SNRPB: variants seen among roughly 807,000 people sequenced by gnomAD.
SNRPB encodes the protein small nuclear ribonucleoprotein polypeptides B and B1.
A neutral mutation model predicts 26.6 loss-of-function variants in SNRPB; 5 were observed. That is an observed-to-expected ratio of 0.19 (90% CI 0.10 to 0.39). The LOEUF (loss-of-function observed/expected upper bound fraction) is 0.39, where lower values mean the gene tolerates loss of function less well. SNRPB is among the 10% of genes least tolerant of loss of function. The pLI is 1.00. For missense variants in SNRPB, 211 were observed against 311.9 expected, an observed-to-expected ratio of 0.68 and a Z score of 2.44; for synonymous variants, 122 against 105.8, an observed-to-expected ratio of 1.15 and a Z score of -0.94.
rs2085107561 is a variant in SNRPB at position 2,470,593 on chromosome 20, T to C, written c.3+95A>G. Reference sequence around the variant, plus strand: ...CGGCCCAGGCCTTCACCGCCCTAAGTGGCTCCAACCCACGGCTTCCTCCCC... The same window carrying C: ...CGGCCCAGGCCTTCACCGCCCTAAGCGGCTCCAACCCACGGCTTCCTCCCC... On this transcript the variant is annotated intron_variant, in intron 1 of 6. Transcript: ENST00000381342. 4.6e-6 allele frequency: 7 copies of C among 1,520,934 alleles called. No homozygotes were observed. In the Admixed American group the frequency reaches 1.0e-4, roughly 22 times the overall value. The allele number at this position is 1,520,934 out of a possible 1,614,324, so 94.2% of individuals were successfully genotyped here. A position where few individuals can be genotyped will look rare whatever the true frequency, so the allele number is the denominator to read the frequency against.
chr20:2,465,865 A>T, intron 2 of SNRPB, 46 bp from the exon 3 acceptor site: 1 of 1,419,070 alleles, frequency 7.0e-7, no homozygotes, highest in Non-Finnish European at 1.0e-6. Context: ...AGAGGTGGGT[A>T]AAGTTCACCT....
intron 2 of SNRPB, 57 bp from the exon 3 acceptor site, chr20:2,465,876 G>T: frequency 2.4e-6 from 3 of 1,273,128 alleles, no homozygotes; most frequent in Non-Finnish European, 3.4e-6. Context: ...AAGTTCACCT[G>T]CCTAGTGGCC....
intron 3 of SNRPB, among the ~76,000 whole-genome samples, chr20:2,464,253 G>T (rs192162687): frequency 6.6e-6 from 1 of 152,202 alleles, no homozygotes; most frequent in African/African-American, 2.4e-5. Context: ...ATTCTAATCC[G>T]CTAGGTGACA....
intron 3 of SNRPB, among the ~76,000 whole-genome samples, chr20:2,464,752 C>T (rs1208906921): frequency 2.0e-5 from 3 of 152,156 alleles, no homozygotes; most frequent in Non-Finnish European, 4.4e-5. Flanking sequence ...CATCTGTAAT[C>T]CCCGCTACTC....
chr20:2,469,269 G>A (rs750030011), intron 1 of SNRPB, among the ~76,000 whole-genome samples: 1 of 152,186 alleles, frequency 6.6e-6, no homozygotes, highest in African/African-American at 2.4e-5. Flanking sequence ...TGAATCCAGC[G>A]CCTATTCTAA....
At chr20:2,465,527 G>A (rs542809020) in intron 3 of SNRPB, among the ~76,000 whole-genome samples, 181 bp downstream of exon 3, 1 of 151,620 alleles carries the variant, frequency 6.6e-6, no homozygotes, top group East Asian at 1.9e-4. Context: ...TGGGATTACA[G>A]ATGTGAGCCA....
chr20:2,467,539 A>T, intron 2 of SNRPB, 68 bp downstream of exon 2: 1 of 1,474,252 alleles, frequency 6.8e-7, no homozygotes, highest in Admixed American at 1.7e-5. Flanking sequence ...CACCACCTCT[A>T]TTGCTTGGCC....
In SNRPB at chr20:2,463,633, T is replaced by C. The variant is rs75717407; in HGVS notation, c.420+114A>G. 1,739 of 763,768 alleles carry C rather than the reference T, an allele frequency of 2.3e-3. 25 individuals are homozygous for C. Among genetic ancestry groups the C allele is most frequent in the African/African-American group, 0.022 (1,245 of 57,130 alleles). 47.3% of individuals were successfully genotyped at this position (763,768 alleles called of 1,614,324 possible). ...CCATGTATAAACCACAGTGAAACAC[T>C]GATAGTCTGACAATCACAGGTTGGT... On this transcript the variant is annotated intron_variant, in intron 4 of 6. Coordinates refer to ENST00000381342, the MANE Select transcript of SNRPB (RefSeq NM_003091.4). This position sits in a 1 kb window ranked among gnomAD's most constrained non-coding sequence, Gnocchi z 5.0.
rs914877970 is a variant in SNRPB, at chr20:2,463,535, T to G, written c.420+212A>C. On this transcript the variant is annotated intron_variant, in intron 4 of 6. Transcript: ENST00000381342. This position sits in a 1 kb window ranked among gnomAD's most constrained non-coding sequence, Gnocchi z 5.0. ...AATATTTTCCTTAAATACAGTTGGCTAATTCGTACATCTCTTTAATAGCAT... is the reference window on the plus strand; with the variant it reads ...AATATTTTCCTTAAATACAGTTGGCGAATTCGTACATCTCTTTAATAGCAT... Among the ~76,000 whole-genome samples, 1 of 152,270 alleles carries G rather than the reference T, an allele frequency of 6.6e-6. No homozygotes were observed. Among genetic ancestry groups the G allele is most frequent in the Non-Finnish European group, 1.5e-5 (1 of 68,054 alleles).
intron 3 of SNRPB, 151 bp downstream of exon 3, chr20:2,465,557 G>T: frequency 1.6e-6 from 1 of 609,922 alleles, no homozygotes; most frequent in South Asian, 2.0e-5. Context: ...GCCTCTTGCA[G>T]GGTAACCTCT....
intron 5 of SNRPB, 97 bp downstream of exon 5, chr20:2,462,991 CA>C (rs2085046314): frequency 8.2e-7 from 1 of 1,217,302 alleles, no homozygotes; most frequent in East Asian, 2.4e-5. Flanking sequence ...CTTAATTATA[CA>C]AACTCATCAT....
At chr20:2,466,771 G>C (rs1481690953) in intron 2 of SNRPB, among the ~76,000 whole-genome samples, 1 of 152,116 alleles carries the variant, frequency 6.6e-6, no homozygotes, top group African/African-American at 2.4e-5. Context: ...GAACTTTGGA[G>C]TAGCTCCACG....
chr20:2,465,415 T>C (rs1183805067), intron 3 of SNRPB, among the ~76,000 whole-genome samples: 46 of 151,112 alleles, frequency 3.0e-4, no homozygotes, highest in Non-Finnish European at 1.5e-5. Context: ...GTCTTTTTTT[T>C]TTTCTTCCTT....
At position 2,463,913 on chromosome 20, in the gene SNRPB, A is replaced by C; in HGVS notation, c.268-14T>G. 1 of 1,610,108 alleles carries C rather than the reference A, an allele frequency of 6.2e-7. No individual in the cohort carries two copies. Among genetic ancestry groups the C allele is most frequent in the Admixed American group, 1.7e-5 (1 of 59,662 alleles). On this transcript the variant is annotated splice_polypyrimidine_tract_variant and intron_variant, in intron 3 of 6. Transcript: ENST00000381342. This position sits in a 1 kb window ranked among gnomAD's most constrained non-coding sequence, Gnocchi z 5.0. Reference sequence around the variant, plus strand: ...AGCAATACCAGTCTGAAAAATAAACAAATATGCTCTGATGCCCAGTGATCT... The same window carrying C: ...AGCAATACCAGTCTGAAAAATAAACCAATATGCTCTGATGCCCAGTGATCT...
chr20:2,470,603 C>A (rs2085107670), intron 1 of SNRPB, 85 bp downstream of exon 1: 1 of 1,575,004 alleles, frequency 6.3e-7, no homozygotes, highest in Non-Finnish European at 8.7e-7. Context: ...TGGCTCCAAC[C>A]CACGGCTTCC....
Position 2,463,246 on chromosome 20 carries a change from A to T in SNRPB, c.421-19T>A. ...TCATCACCTAAGAGGACATAAGAAG[A>T]AAGAGTTAGAAGAGTACAGTACAAT... On this transcript the variant is annotated intron_variant, in intron 4 of 6. Coordinates refer to ENST00000381342, the MANE Select transcript of SNRPB (RefSeq NM_003091.4). The surrounding 1 kb of genome is among the most constrained non-coding windows in gnomAD (Gnocchi z 5.0). The T allele has an allele frequency of 6.2e-7, 1 of 1,601,344 alleles. No individual in the cohort carries two copies. The highest frequency in any genetic ancestry group is 8.6e-7 in the Non-Finnish European group (1 of 1,168,836).
intron 2 of SNRPB, 109 bp downstream of exon 2, chr20:2,467,498 G>C (rs2085081890): frequency 9.8e-7 from 1 of 1,024,260 alleles, no homozygotes; most frequent in East Asian, 2.5e-5. Context: ...TAAAACTGGA[G>C]AATAAACAGA....
Position 2,462,531 on chromosome 20 carries a change from A to C in SNRPB, c.685+105T>G, listed in dbSNP as rs113278333. ...TCCTTTCTGGATTTCCCTAGATTTA[A>C]GGCTTGAAAGCCCATGGGATATGAT... On this transcript the variant is annotated intron_variant, in intron 6 of 6. Transcript: ENST00000381342. 241 of 1,017,750 alleles carry C rather than the reference A, an allele frequency of 2.4e-4. 2 individuals are homozygous for C. In the African/African-American group the frequency reaches 3.2e-3, roughly 14 times the overall value. The allele number at this position is 1,017,750 out of a possible 1,614,324, so 63.0% of individuals were successfully genotyped here.
At position 2,465,696 on chromosome 20, in the gene SNRPB, G is replaced by A. The variant is rs766965596; in HGVS notation, c.267+12C>T. The stretch of plus-strand genomic sequence containing the variant: ...CCTCCCCTCCTCCACAAGGCTTCCT[G>A]CTCTGACTTACATCTTTGGGAGGAG... On this transcript the variant is annotated intron_variant, in intron 3 of 6. Transcript: ENST00000381342. The A allele has an allele frequency of 2.5e-6, 4 of 1,577,538 alleles. No individual in the cohort carries two copies. The highest frequency in any genetic ancestry group is 3.5e-6 in the Non-Finnish European group (4 of 1,146,842).
Sources: allele counts gnomAD v4.1 joint callset (sites outside exome capture counted in the v4.1 genomes callset), GRCh38; gene constraint gnomAD v4.1.1; non-coding constraint Gnocchi (gnomAD v3.1); transcripts MANE v1.5; gene names NCBI Gene and HGNC (gene_info 2026-07-23, HGNC 2026-07-21).